Variants in DKK2 observed in about 807,000 individuals in gnomAD.
DKK2 encodes the protein dickkopf Wnt signaling pathway inhibitor 2.
Under a neutral mutation model 28.1 loss-of-function variants are expected in DKK2, and 11 were observed. That is an observed-to-expected ratio of 0.39 (90% CI 0.25 to 0.65). The LOEUF (loss-of-function observed/expected upper bound fraction) is 0.65. Among genes scored for constraint, DKK2 ranks in the 30% least tolerant of loss-of-function variants. The pLI is 0.47. For synonymous variants in DKK2, 135 were observed against 126.5 expected (o/e 1.07, Z -0.45); for missense variants, 326 against 335.5 (o/e 0.97, Z 0.22).
intron 1 of DKK2, among the ~76,000 whole-genome samples, chr4:106,959,465 G>GCATGCCAAAAATAGGCATGATTCTT (rs1171252837): frequency 6.6e-6 from 1 of 151,794 alleles, no homozygotes; most frequent in Non-Finnish European, 1.5e-5. Flanking sequence ...TCCATTTGAG[G>GCATGCCAAAAATAGGCATGATTCTT]CATGCCAAAA....
At chr4:106,983,207 A>G (rs1171360179) in intron 1 of DKK2, among the ~76,000 whole-genome samples, 3 of 151,810 alleles carry the variant, frequency 2.0e-5, no homozygotes, top group Non-Finnish European at 4.4e-5. Context: ...GTGAATCAAT[A>G]AAATATTGTC....
Position 106,923,636 on chromosome 4 carries a change from A to G in DKK2, c.*318T>C, listed in dbSNP as rs548916788. On this transcript the variant is annotated 3_prime_UTR_variant, in exon 4 of 4. Coordinates refer to ENST00000285311, the MANE Select transcript of DKK2 (RefSeq NM_014421.3). ...GGAAACCTCTCCTCCAGCACAACCTAAACTCTTGGAAAGTCACATGCTACT... is the reference window on the plus strand; with the variant it reads ...GGAAACCTCTCCTCCAGCACAACCTGAACTCTTGGAAAGTCACATGCTACT... 44 of 265,966 alleles carry G rather than the reference A, an allele frequency of 1.7e-4. No homozygotes were observed. Among genetic ancestry groups the G allele is most frequent in the Non-Finnish European group, 2.8e-4 (39 of 137,300 alleles). 16.5% of individuals were successfully genotyped at this position (265,966 alleles called of 1,614,324 possible).
chr4:107,011,147 T>C (rs916954901), intron 1 of DKK2, among the ~76,000 whole-genome samples: 4 of 151,456 alleles, frequency 2.6e-5, no homozygotes, highest in African/African-American at 9.7e-5. Flanking sequence ...TCTTCTTTGA[T>C]AACTACAACA....
chr4:106,999,745 CA>C (rs975166331), intron 1 of DKK2, among the ~76,000 whole-genome samples: 3 of 151,808 alleles, frequency 2.0e-5, no homozygotes, highest in Non-Finnish European at 2.9e-5. Context: ...GACTACATAA[CA>C]AAAAAATAGA....
intron 1 of DKK2, among the ~76,000 whole-genome samples, chr4:106,941,129 AAAAAT>A (rs1423471478): frequency 3.9e-5 from 6 of 152,014 alleles, no homozygotes; most frequent in Non-Finnish European, 4.4e-5. Context: ...ATAACAAAAT[AAAAAT>A]AAAATAAAAA....
At chr4:106,934,762 C>A (rs1724553932) in intron 1 of DKK2, among the ~76,000 whole-genome samples, 1 of 152,178 alleles carries the variant, frequency 6.6e-6, no homozygotes, top group African/African-American at 2.4e-5. Flanking sequence ...AAAGACTGTT[C>A]TTTCATGGTT....
chr4:106,958,881 A>G (rs919269796), intron 1 of DKK2, among the ~76,000 whole-genome samples: 2 of 151,616 alleles, frequency 1.3e-5, no homozygotes, highest in African/African-American at 4.8e-5. Context: ...AACATAAAAG[A>G]AAAAGAAAAT....
At chr4:106,948,268 G>A (rs1578353367) in intron 1 of DKK2, among the ~76,000 whole-genome samples, 3 of 152,246 alleles carry the variant, frequency 2.0e-5, no homozygotes, top group Non-Finnish European at 1.5e-5. Flanking sequence ...TAAAACACAG[G>A]TTGCAGGGTT....
intron 1 of DKK2, among the ~76,000 whole-genome samples, chr4:106,978,619 T>C (rs550390452): frequency 6.6e-6 from 1 of 152,186 alleles, no homozygotes; most frequent in South Asian, 2.1e-4. Flanking sequence ...CCAGGTCGAC[T>C]TCAGACTTCT....
In DKK2 at chr4:107,009,103, A is replaced by G. The variant is rs181977498; in HGVS notation, c.222+26267T>C. Reference sequence around the variant, plus strand: ...AACCAGGTATATCTTCTTAACCACCAAAATGATTTTACAGACTTACATCTT... The same window carrying G: ...AACCAGGTATATCTTCTTAACCACCGAAATGATTTTACAGACTTACATCTT... On this transcript the variant is annotated intron_variant, in intron 1 of 3. Transcript: ENST00000285311. 2.0e-4 allele frequency among the ~76,000 whole-genome samples: 31 copies of G among 152,092 alleles called. No individual in the cohort carries two copies. The East Asian group carries it at 5.2e-3, about 26-fold the overall frequency.
intron 1 of DKK2, among the ~76,000 whole-genome samples, chr4:106,928,995 C>T (rs1277676844): frequency 1.3e-5 from 2 of 151,758 alleles, no homozygotes; most frequent in Non-Finnish European, 2.9e-5. Context: ...AATGAAAGGA[C>T]TGCTGGAGGG....
chr4:107,018,232 G>A (rs1049036069), intron 1 of DKK2, among the ~76,000 whole-genome samples: 4 of 152,016 alleles, frequency 2.6e-5, no homozygotes, highest in Non-Finnish European at 5.9e-5. Flanking sequence ...TCCCAATGGA[G>A]GAGAGTATGG....
At chr4:106,927,981 C>A (rs1336532092) in intron 1 of DKK2, among the ~76,000 whole-genome samples, 2 of 152,040 alleles carry the variant, frequency 1.3e-5, no homozygotes, top group East Asian at 3.9e-4. Flanking sequence ...GGATTCCATC[C>A]CCCCAAAATA....
At chr4:107,030,363 C>T (rs1433640460) in intron 1 of DKK2, among the ~76,000 whole-genome samples, 3 of 151,934 alleles carry the variant, frequency 2.0e-5, no homozygotes, top group Non-Finnish European at 4.4e-5. Flanking sequence ...CTTATGCATT[C>T]TATATTAAAT....
chr4:106,985,395 T>C (rs946416632), intron 1 of DKK2, among the ~76,000 whole-genome samples: 2 of 152,110 alleles, frequency 1.3e-5, no homozygotes, highest in Non-Finnish European at 2.9e-5. Flanking sequence ...GATATTGTCC[T>C]ACAGTTTGGC....
chr4:107,006,625 AGGT>A (rs1452233482), intron 1 of DKK2, among the ~76,000 whole-genome samples: 1 of 152,186 alleles, frequency 6.6e-6, no homozygotes, highest in Non-Finnish European at 1.5e-5. Context: ...AATTGAGTGC[AGGT>A]GGTTTCCACT....
intron 3 of DKK2, 94 bp downstream of exon 3, chr4:106,924,451 T>A (rs984830722): frequency 4.1e-5 from 59 of 1,453,326 alleles, no homozygotes; most frequent in African/African-American, 8.7e-5. Flanking sequence ...AGAAACTTCC[T>A]TGTAATTTTT....
intron 1 of DKK2, among the ~76,000 whole-genome samples, chr4:106,968,909 T>A (rs755831991): frequency 6.6e-6 from 1 of 152,106 alleles, no homozygotes; most frequent in African/African-American, 2.4e-5. Context: ...TACACAGTCA[T>A]ATTCTTCCTC....
At chr4:107,001,081 C>G (rs530772169) in intron 1 of DKK2, among the ~76,000 whole-genome samples, 1 of 151,648 alleles carries the variant, frequency 6.6e-6, no homozygotes, top group Non-Finnish European at 1.5e-5. Context: ...AAACAAAAAC[C>G]AAAAGGGGGA....
Sources: gnomAD v4.1 joint callset for allele counts (sites outside exome capture counted in the v4.1 genomes callset) on GRCh38, gnomAD v4.1.1 for gene constraint, MANE v1.5 for transcripts, NCBI Gene and HGNC (gene_info 2026-07-23, HGNC 2026-07-21) for gene names.